EPB41L4A: variants seen among roughly 807,000 people sequenced by gnomAD.
The protein encoded by EPB41L4A is band 4.1-like protein 4A.
In EPB41L4A, 100 loss-of-function variants were observed where a neutral mutation model predicts 108.6. That is an observed-to-expected ratio of 0.92 (90% CI 0.78 to 1.09). The LOEUF (loss-of-function observed/expected upper bound fraction) is 1.09. Among genes scored for constraint, EPB41L4A ranks in the 50% least tolerant of loss-of-function variants. The probability of loss-of-function intolerance (pLI) is 0.00; values close to 1 mark genes in which losing one functional copy is unlikely to be tolerated. For synonymous variants in EPB41L4A, 319 were observed against 289.0 expected, an observed-to-expected ratio of 1.10 and a Z score of -1.05; for missense variants, 1,030 against 842.7, an observed-to-expected ratio of 1.22 and a Z score of -2.75.
At chr5:112,302,078 G>C (rs1228026277) in intron 2 of EPB41L4A, among the ~76,000 whole-genome samples, 1 of 151,994 alleles carries the variant, frequency 6.6e-6, no homozygotes, top group East Asian at 1.9e-4. Flanking sequence ...AAATTCATAG[G>C]ATACATTTAA....
intron 15 of EPB41L4A, among the ~76,000 whole-genome samples, chr5:112,200,705 C>A (rs1467462913): frequency 6.6e-6 from 1 of 152,142 alleles, no homozygotes. Flanking sequence ...TTTAAACAAG[C>A]AGGCTTCAGG....
At chr5:112,259,545 C>T (rs1182102219) in intron 8 of EPB41L4A, among the ~76,000 whole-genome samples, 2 of 152,292 alleles carry the variant, frequency 1.3e-5, no homozygotes, top group East Asian at 3.9e-4. Flanking sequence ...CCTTCCCAAA[C>T]ACAGTGCAGA....
intron 2 of EPB41L4A, among the ~76,000 whole-genome samples, chr5:112,306,242 C>T (rs1461559975): frequency 6.6e-6 from 1 of 152,130 alleles, no homozygotes; most frequent in Non-Finnish European, 1.5e-5. Flanking sequence ...TATAGATTTA[C>T]AGTACTGCTA....
rs567553429 is a variant in EPB41L4A, at chr5:112,419,223, G to A, written c.-184C>T. ...CGGCGGGGCGGGAGCGAGAAAGGCG[G>A]AAAAGCCCGGGAGAGTCAGCGCCCG... is the stretch of plus-strand genomic sequence containing the variant. On this transcript the variant is annotated 5_prime_UTR_variant, in exon 1 of 23. Transcript: ENST00000261486. 29 of 476,124 alleles carry A rather than the reference G, an allele frequency of 6.1e-5. No individual in the cohort carries two copies. The highest frequency in any genetic ancestry group is 8.2e-5 in the Non-Finnish European group (22 of 268,720). 29.5% of individuals were successfully genotyped at this position (476,124 alleles called of 1,614,324 possible). A position where few individuals can be genotyped will look rare whatever the true frequency, so the allele number is the denominator to read the frequency against.
intron 12 of EPB41L4A, among the ~76,000 whole-genome samples, chr5:112,147,673 G>A (rs1182122880): frequency 6.7e-6 from 1 of 149,830 alleles, no homozygotes; most frequent in African/African-American, 2.5e-5. Context: ...AATCCATAAT[G>A]AAAATTCCAT....
At chr5:112,185,124 T>C (rs1351675507) in intron 17 of EPB41L4A, among the ~76,000 whole-genome samples, 1 of 150,316 alleles carries the variant, frequency 6.7e-6, no homozygotes, top group African/African-American at 2.5e-5. Flanking sequence ...ACGGAACCCC[T>C]GTTATTTGAA....
intron 12 of EPB41L4A, among the ~76,000 whole-genome samples, chr5:112,215,762 C>CA (rs374126290): frequency 0.27 from 27,317 of 101,106 alleles, 4,382 homozygotes; most frequent in African/African-American, 0.35. Context: ...GACTCCATCT[C>CA]AAAAAAAAAA....
chr5:112,321,235 T>C lies in EPB41L4A; in HGVS notation c.100-13745A>G, dbSNP rs537988694. Among the ~76,000 whole-genome samples, 170 of 152,224 alleles carry C rather than the reference T, an allele frequency of 1.1e-3. 1 individual carries two copies. Among genetic ancestry groups the C allele is most frequent in the Non-Finnish European group, 7.4e-4 (50 of 68,000 alleles). On this transcript the variant is annotated intron_variant, in intron 1 of 22. Transcript: ENST00000261486. Reference sequence around the variant, plus strand: ...ATCAGGACTGGAAGACCAATGGGCATTGGGGTTGGGGTAGAAGTGAAAAGG... The same window carrying C: ...ATCAGGACTGGAAGACCAATGGGCACTGGGGTTGGGGTAGAAGTGAAAAGG...
At chr5:112,147,810 G>A (rs1040704250) in intron 12 of EPB41L4A, among the ~76,000 whole-genome samples, 11 of 151,758 alleles carry the variant, frequency 7.2e-5, no homozygotes, top group Non-Finnish European at 1.6e-4. Flanking sequence ...GGTGGCTCAC[G>A]CCTGTAATGC....
intron 1 of EPB41L4A, among the ~76,000 whole-genome samples, chr5:112,325,560 A>G (rs1316152995): frequency 2.6e-5 from 4 of 152,062 alleles, no homozygotes; most frequent in Non-Finnish European, 2.9e-5. Flanking sequence ...AGAAGCTATT[A>G]TTTTTCTTTA....
At chr5:112,279,312 T>C (rs1289274251) in intron 3 of EPB41L4A, among the ~76,000 whole-genome samples, 1 of 152,116 alleles carries the variant, frequency 6.6e-6, no homozygotes, top group Non-Finnish European at 1.5e-5. Flanking sequence ...CTTGGATCCA[T>C]GGAGCATCGC....
Position 112,399,747 on chromosome 5 carries a change from C to CAA in EPB41L4A, c.99+19193_99+19194insTT, listed in dbSNP as rs1451911154. On this transcript the variant is annotated intron_variant, in intron 1 of 22. Coordinates refer to ENST00000261486, the MANE Select transcript of EPB41L4A (RefSeq NM_022140.5). ...CTTAAATCCCCTTAATGGCTTCAGG[C>CAA]CCTTCACCTACCTAGTAACACCAAC... Among the ~76,000 whole-genome samples the CAA allele has an allele frequency of 9.8e-4, 149 of 152,328 alleles. 1 individual carries two copies. Among genetic ancestry groups the CAA allele is most frequent in the African/African-American group, 3.1e-3 (129 of 41,572 alleles).
At chr5:112,302,963 T>G (rs1237439670) in intron 2 of EPB41L4A, among the ~76,000 whole-genome samples, 3 of 152,166 alleles carry the variant, frequency 2.0e-5, no homozygotes, top group Admixed American at 2.0e-4. Context: ...CAGGATACTG[T>G]GCTTCTCATG....
chr5:112,146,180 G>A (rs557203169), intron 12 of EPB41L4A, among the ~76,000 whole-genome samples: 2 of 152,270 alleles, frequency 1.3e-5, no homozygotes, highest in East Asian at 3.9e-4. Flanking sequence ...TTTTAGAAAT[G>A]TCAAGCATCG....
At chr5:112,153,038 G>A (rs1759526644) in intron 12 of EPB41L4A, among the ~76,000 whole-genome samples, 1 of 150,856 alleles carries the variant, frequency 6.6e-6, no homozygotes, top group African/African-American at 2.4e-5. Flanking sequence ...GGGCAACATG[G>A]TGAAACCATG....
chr5:112,329,804 C>T (rs201599732), intron 1 of EPB41L4A, among the ~76,000 whole-genome samples: 1 of 152,030 alleles, frequency 6.6e-6, no homozygotes, highest in South Asian at 2.1e-4. Context: ...CAGCACCCCA[C>T]CCCCTCTTCA....
intron 1 of EPB41L4A, among the ~76,000 whole-genome samples, chr5:112,407,868 T>C (rs769909199): frequency 2.8e-4 from 42 of 152,224 alleles, no homozygotes; most frequent in Non-Finnish European, 5.4e-4. Context: ...CACCACCACG[T>C]GCCTGGCATT....
In EPB41L4A at chr5:112,240,752, CA is replaced by C; in HGVS notation, c.853del (p.Trp285GlyfsTer45). ...ARSKTACKHL[W>X]KCSVEHHTFF... ...TGTATGATGTTCCACACTGCACTTC[CA>C]GAGGTGCTTGCAAGCAGTTTTACTC... On this transcript the variant is annotated frameshift_variant, in exon 10 of 23. Coordinates refer to ENST00000261486, the MANE Select transcript of EPB41L4A (RefSeq NM_022140.5). LOFTEE classifies it high-confidence loss of function. 1 of 1,584,694 alleles carries C rather than the reference CA, an allele frequency of 6.3e-7. No homozygotes were observed. The highest frequency in any genetic ancestry group is 8.5e-7 in the Non-Finnish European group (1 of 1,172,348).
Position 112,242,048 on chromosome 5 carries a change from G to A in EPB41L4A, c.796-1238C>T, listed in dbSNP as rs145260733. ...GGTTGGTGGAAGGTACTGCCTCAAT[G>A]TTGATGGCTACTGACTGACCAGGGT... On this transcript the variant is annotated intron_variant, in intron 9 of 22. Coordinates refer to ENST00000261486, the MANE Select transcript of EPB41L4A (RefSeq NM_022140.5). 1.8e-3 allele frequency among the ~76,000 whole-genome samples: 268 copies of A among 152,316 alleles called. 2 individuals are homozygous for A. Among genetic ancestry groups the A allele is most frequent in the African/African-American group, 6.3e-3 (263 of 41,574 alleles).
Sources: allele counts gnomAD v4.1 joint callset (sites outside exome capture counted in the v4.1 genomes callset), GRCh38; gene constraint gnomAD v4.1.1; transcripts MANE v1.5; gene names NCBI Gene and HGNC (gene_info 2026-07-23, HGNC 2026-07-21).